Variants in TCF12 observed in about 807,000 individuals in gnomAD.
The protein encoded by TCF12 is transcription factor 12.
Under a neutral mutation model 86.0 loss-of-function variants are expected in TCF12, and 45 were observed. That is an observed-to-expected ratio of 0.52 (90% CI 0.41 to 0.67). The LOEUF is 0.67. Among genes scored for constraint, TCF12 ranks in the 30% least tolerant of loss-of-function variants. The pLI is 0.00. For synonymous variants in TCF12, 330 were observed against 299.6 expected (o/e 1.10, Z -1.05); for missense variants, 881 against 859.9 (o/e 1.02, Z -0.31).
At chr15:56,927,415 T>G (rs1236422840) in intron 3 of TCF12, among the ~76,000 whole-genome samples, 1 of 152,236 alleles carries the variant, frequency 6.6e-6, no homozygotes, top group Non-Finnish European at 1.5e-5. Context: ...TTTCTTATAG[T>G]TCCGTTTGCA....
At chr15:57,110,032 A>C (rs2050384779) in intron 5 of TCF12, among the ~76,000 whole-genome samples, 4 of 151,206 alleles carry the variant, frequency 2.6e-5, no homozygotes, top group Admixed American at 2.6e-4. Flanking sequence ...GTAGGAGACC[A>C]AAGTAGAAAT....
rs767966630 is a variant in TCF12, at chr15:57,282,521, G to T, written c.2055G>T (p.Pro685=). 6.2e-7 allele frequency: 1 copy of T among 1,614,192 alleles called. No individual in the cohort carries two copies. The highest frequency in any genetic ancestry group is 1.1e-5 in the South Asian group (1 of 91,088). The change falls in exon 20 of 21, where the codon CCG becomes CCT. Residue 685 remains proline (P), a synonymous_variant. Coordinates refer to ENST00000333725, the MANE Select transcript of TCF12 (RefSeq NM_207037.2). Reference sequence around the variant, plus strand: ...AAGTTTCTGCCGTATCGGCAGAGCCGCCAACCACACTGCCAGGAACCCATC... The same window carrying T: ...AAGTTTCTGCCGTATCGGCAGAGCCTCCAACCACACTGCCAGGAACCCATC... The part of the protein sequence containing the change: ...EEKVSAVSAE[P]PTTLPGTHPG...
At chr15:57,280,305 A>AT (rs2061629192) in intron 19 of TCF12, among the ~76,000 whole-genome samples, 5 of 151,988 alleles carry the variant, frequency 3.3e-5, no homozygotes, top group Admixed American at 6.5e-5. Context: ...TGAACATACT[A>AT]TTTTTTCCTG....
chr15:57,085,520 C>T (rs188702735), intron 4 of TCF12, among the ~76,000 whole-genome samples: 2 of 152,224 alleles, frequency 1.3e-5, no homozygotes, highest in East Asian at 1.9e-4. Context: ...ATATAATTCC[C>T]GCTCTCACAT....
intron 5 of TCF12, among the ~76,000 whole-genome samples, chr15:57,102,782 T>C (rs553394779): frequency 1.7e-4 from 26 of 152,300 alleles, no homozygotes; most frequent in African/African-American, 6.0e-4. Context: ...GAGTTGTTTT[T>C]CTGTTGTTTT....
intron 4 of TCF12, among the ~76,000 whole-genome samples, chr15:57,084,814 A>G (rs2048523406): frequency 6.6e-6 from 1 of 151,750 alleles, no homozygotes; most frequent in Non-Finnish European, 1.5e-5. Context: ...TGTATATTAA[A>G]TGTATATTAT....
chr15:56,957,274 C>A (rs1350472366), intron 3 of TCF12, among the ~76,000 whole-genome samples: 2 of 152,262 alleles, frequency 1.3e-5, no homozygotes, highest in African/African-American at 4.8e-5. Context: ...TTATGGTTAC[C>A]AAATTTTGAA....
At chr15:57,063,473 G>A (rs959994772) in intron 3 of TCF12, among the ~76,000 whole-genome samples, 1 of 152,198 alleles carries the variant, frequency 6.6e-6, no homozygotes, top group Non-Finnish European at 1.5e-5. Flanking sequence ...GCGTGGTGCT[G>A]GATGGAGAGA....
Position 57,229,134 on chromosome 15 carries a change from T to C in TCF12, c.580-2018T>C, listed in dbSNP as rs192579004. Among the ~76,000 whole-genome samples the C allele has an allele frequency of 2.6e-3, 401 of 152,082 alleles. 1 individual carries two copies. Among genetic ancestry groups the C allele is most frequent in the Non-Finnish European group, 3.7e-3 (254 of 67,840 alleles). ...TTAGCTTGGCTTGAGGAAATCTATA[T>C]AGAAAGGGGACAGAGAACTTCTAGC... On this transcript the variant is annotated intron_variant, in intron 8 of 20. Transcript: ENST00000333725.
intron 4 of TCF12, among the ~76,000 whole-genome samples, chr15:57,074,459 A>G (rs892310966): frequency 1.5e-4 from 23 of 151,530 alleles, no homozygotes; most frequent in African/African-American, 5.6e-4. Flanking sequence ...TCCTGAAAAG[A>G]TGATGGACTA....
At chr15:57,263,047 G>A in intron 17 of TCF12, 65 bp from the exon 18 acceptor site, 9 of 1,514,146 alleles carry the variant, frequency 5.9e-6, no homozygotes, top group Non-Finnish European at 7.1e-6. Flanking sequence ...GCTTTTTATT[G>A]TCTTAGCTGT....
At chr15:57,013,906 C>T (rs998242059) in intron 3 of TCF12, among the ~76,000 whole-genome samples, 14 of 151,948 alleles carry the variant, frequency 9.2e-5, no homozygotes, top group African/African-American at 3.4e-4. Context: ...ATCTAAATAC[C>T]CTAGCAATTG....
intron 3 of TCF12, among the ~76,000 whole-genome samples, chr15:56,963,897 G>A (rs190566561): frequency 6.6e-6 from 1 of 152,316 alleles, no homozygotes; most frequent in Admixed American, 6.5e-5. Flanking sequence ...GATTGCTATG[G>A]CAACAAAGGT....
intron 3 of TCF12, among the ~76,000 whole-genome samples, chr15:56,938,395 G>A (rs1289939640): frequency 2.0e-5 from 3 of 151,980 alleles, no homozygotes; most frequent in Admixed American, 6.6e-5. Flanking sequence ...TCCTGACCTT[G>A]TGATCCCCCT....
intron 6 of TCF12, among the ~76,000 whole-genome samples, chr15:57,169,081 T>TA (rs1416863749): frequency 6.6e-6 from 1 of 152,068 alleles, no homozygotes; most frequent in Non-Finnish European, 1.5e-5. Context: ...CAAACTAAGT[T>TA]ACATCATTTG....
chr15:57,153,708 G>T (rs368692438), intron 5 of TCF12, among the ~76,000 whole-genome samples: 2 of 152,136 alleles, frequency 1.3e-5, no homozygotes, highest in Admixed American at 1.3e-4. Flanking sequence ...ACCAATAGTG[G>T]CTATTAAATG....
At position 57,223,643 on chromosome 15, in the gene TCF12, G is replaced by GTTTTTTTTTTTTTTTTT. The variant is rs550493641; in HGVS notation, c.580-7497_580-7481dup. 2.5e-3 allele frequency among the ~76,000 whole-genome samples: 176 copies of GTTTTTTTTTTTTTTTTT among 69,666 alleles called. 30 individuals are homozygous for GTTTTTTTTTTTTTTTTT. Among genetic ancestry groups the GTTTTTTTTTTTTTTTTT allele is most frequent in the East Asian group, 4.0e-3 (8 of 1,994 alleles). The allele number at this position is 69,666 out of a possible 152,430, so 45.7% of individuals were successfully genotyped here. On this transcript the variant is annotated intron_variant, in intron 8 of 20. Coordinates refer to ENST00000333725, the MANE Select transcript of TCF12 (RefSeq NM_207037.2). ...GTTTTGGCACCTGCCTACCAATGAG[G>GTTTTTTTTTTTTTTTTT]TTTTTTTTTTTTTTTTTTTTTTTTT...
In TCF12 at chr15:57,255,731, C is replaced by G. The variant is rs148892895; in HGVS notation, c.1467+2263C>G. Among the ~76,000 whole-genome samples, 1,183 of 152,208 alleles carry G rather than the reference C, an allele frequency of 7.8e-3. 17 individuals carry two copies. Among genetic ancestry groups the G allele is most frequent in the African/African-American group, 0.027 (1,124 of 41,532 alleles). ...ACTCCTGACCTTGTGATCCGCCCACCTCGGCCTCCCAAAGTGCTGGGATTA... is the reference window on the plus strand; with the variant it reads ...ACTCCTGACCTTGTGATCCGCCCACGTCGGCCTCCCAAAGTGCTGGGATTA... On this transcript the variant is annotated intron_variant, in intron 16 of 20. Coordinates refer to ENST00000333725, the MANE Select transcript of TCF12 (RefSeq NM_207037.2).
intron 5 of TCF12, among the ~76,000 whole-genome samples, chr15:57,157,722 C>T (rs770435173): frequency 6.6e-5 from 10 of 151,716 alleles, no homozygotes; most frequent in African/African-American, 2.2e-4. Context: ...ACCACTACAC[C>T]GAGCTAATTT....
Sources: allele counts gnomAD v4.1 joint callset (sites outside exome capture counted in the v4.1 genomes callset), GRCh38; gene constraint gnomAD v4.1.1; transcripts MANE v1.5; gene names NCBI Gene and HGNC (gene_info 2026-07-23, HGNC 2026-07-21).